Variants in CHD6 observed in about 807,000 individuals in gnomAD.
The protein encoded by CHD6 is ATP-dependent chromatin remodeler CHD6.
Under a neutral mutation model 276.9 loss-of-function variants are expected in CHD6, and 50 were observed. The ratio of observed to expected loss-of-function variants is 0.18; its 90% CI spans 0.14 to 0.23. CHD6 has a LOEUF of 0.23. Among genes scored for constraint, CHD6 ranks in the 10% least tolerant of loss-of-function variants. CHD6 has a pLI of 1.00. For synonymous variants in CHD6, 1,173 were observed against 1,229.3 expected, an observed-to-expected ratio of 0.95 and a Z score of 0.96; for missense variants, 2,564 against 3,365.8, an observed-to-expected ratio of 0.76 and a Z score of 5.89.
Position 41,533,460 on chromosome 20 carries a change from A to C in CHD6, c.144T>G (p.Ile48Met), listed in dbSNP as rs1399445190. Residue 48 changes from isoleucine to methionine, a missense_variant, in exon 3 of 37, where the codon ATT (isoleucine) becomes ATG (methionine). Coordinates refer to ENST00000373233, the MANE Select transcript of CHD6 (RefSeq NM_032221.5). ...GCAGACAGTGACTAGCAACATCTTC[A>C]ATTTTCTCTTCTTGATCAGTGCTGC... ...FDCSTDQEEKIEDVASHCLPQ... is the reference protein window; with the variant it reads ...FDCSTDQEEKMEDVASHCLPQ... 6.2e-7 allele frequency: 1 copy of C among 1,614,124 alleles called. No homozygotes were observed. The highest frequency in any genetic ancestry group is 2.2e-5 in the East Asian group (1 of 44,884).
chr20:41,484,950 C>T (rs904325764), intron 14 of CHD6, among the ~76,000 whole-genome samples: 6 of 151,908 alleles, frequency 3.9e-5, no homozygotes, highest in African/African-American at 1.5e-4. Context: ...ACAGTAATTA[C>T]CTGAAGAGTA....
At chr20:41,567,632 T>C (rs1197437695) in intron 1 of CHD6, among the ~76,000 whole-genome samples, 1 of 151,928 alleles carries the variant, frequency 6.6e-6, no homozygotes, top group Non-Finnish European at 1.5e-5. Flanking sequence ...GGTGAGCATT[T>C]GGTACCAGGC....
At chr20:41,592,031 A>T (rs2045667391) in intron 1 of CHD6, among the ~76,000 whole-genome samples, 1 of 151,794 alleles carries the variant, frequency 6.6e-6, no homozygotes, top group Non-Finnish European at 1.5e-5. Context: ...CCCAGGAGGC[A>T]GAGCTTGTAG....
At chr20:41,493,460 C>A in intron 10 of CHD6, 78 bp downstream of exon 10, 1 of 1,411,242 alleles carries the variant, frequency 7.1e-7, no homozygotes, top group Non-Finnish European at 9.8e-7. Context: ...AGGAACAAGC[C>A]AGGTGGACTT....
At chr20:41,432,117 G>T (rs1390069600) in intron 27 of CHD6, among the ~76,000 whole-genome samples, 2 of 139,436 alleles carry the variant, frequency 1.4e-5, no homozygotes, top group East Asian at 4.6e-4. Flanking sequence ...CCAAGATCAT[G>T]CCATTGCACT....
chr20:41,587,619 G>GT (rs1305614201), intron 1 of CHD6, among the ~76,000 whole-genome samples: 2 of 152,190 alleles, frequency 1.3e-5, no homozygotes, highest in African/African-American at 4.8e-5. Flanking sequence ...GTTCTCTCTG[G>GT]TAAGTGGGGA....
At chr20:41,562,494 A>ATTT (rs371771565) in intron 1 of CHD6, among the ~76,000 whole-genome samples, 2,760 of 148,366 alleles carry the variant, frequency 0.019, 38 homozygotes, top group African/African-American at 0.04. Flanking sequence ...TGAGGGTTTG[A>ATTT]TTTTTTTTTT....
At chr20:41,447,830 G>T in intron 24 of CHD6, 52 bp downstream of exon 24, 2 of 1,329,440 alleles carry the variant, frequency 1.5e-6, no homozygotes, top group Non-Finnish European at 2.1e-6. Context: ...CCATGAATAG[G>T]CATTTTATGT....
chr20:41,495,572 A>G (rs1261093087), intron 8 of CHD6, among the ~76,000 whole-genome samples: 2 of 152,104 alleles, frequency 1.3e-5, no homozygotes, highest in Non-Finnish European at 2.9e-5. Flanking sequence ...ACTGTATTAT[A>G]TATTTGAAAT....
intron 16 of CHD6, among the ~76,000 whole-genome samples, chr20:41,476,011 A>G (rs889368792): frequency 6.6e-6 from 1 of 152,178 alleles, no homozygotes; most frequent in Non-Finnish European, 1.5e-5. Context: ...CTTAAAAAAA[A>G]ATTGAATTAT....
At chr20:41,565,537 G>C (rs922790792) in intron 1 of CHD6, among the ~76,000 whole-genome samples, 1 of 152,204 alleles carries the variant, frequency 6.6e-6, no homozygotes, top group Non-Finnish European at 1.5e-5. Flanking sequence ...TGAAGACTGA[G>C]TCACAGTGAG....
intron 17 of CHD6, among the ~76,000 whole-genome samples, chr20:41,458,720 T>C (rs2048453523): frequency 6.6e-6 from 1 of 152,182 alleles, no homozygotes; most frequent in African/African-American, 2.4e-5. Context: ...CTCTTGTACA[T>C]TTCCTGTCCA....
At chr20:41,583,347 A>G (rs2045560434) in intron 1 of CHD6, among the ~76,000 whole-genome samples, 1 of 152,124 alleles carries the variant, frequency 6.6e-6, no homozygotes, top group African/African-American at 2.4e-5. Context: ...ACTACTCATC[A>G]GATTTTTTGC....
intron 5 of CHD6, among the ~76,000 whole-genome samples, chr20:41,508,256 TAGAG>T (rs1407689346): frequency 1.3e-5 from 2 of 152,094 alleles, no homozygotes; most frequent in Non-Finnish European, 2.9e-5. Flanking sequence ...CCTGCCTTAT[TAGAG>T]AGAAAGCATT....
At chr20:41,419,591 A>G (rs968593246) in intron 31 of CHD6, among the ~76,000 whole-genome samples, 1 of 138,956 alleles carries the variant, frequency 7.2e-6, no homozygotes, top group African/African-American at 2.7e-5. Context: ...AAAAAAAAAA[A>G]GGCTAGATAA....
rs62208542 is a variant in CHD6, at chr20:41,603,770, G to C, written c.-24+14570C>G. Among the ~76,000 whole-genome samples, 189 of 152,270 alleles carry C rather than the reference G, an allele frequency of 1.2e-3. 1 individual carries two copies. Among genetic ancestry groups the C allele is most frequent in the Middle Eastern group, 3.4e-3 (1 of 294 alleles). ...TAATCCCAGCTACTTGAGAGGCTGA[G>C]GCAGGAGAATCACTTGAACCCAGGG... is the stretch of plus-strand genomic sequence containing the variant. On this transcript the variant is annotated intron_variant, in intron 1 of 36. Coordinates refer to ENST00000373233, the MANE Select transcript of CHD6 (RefSeq NM_032221.5).
At chr20:41,614,919 G>A (rs1213506794) in intron 1 of CHD6, 1 of 152,178 alleles carries the variant, frequency 6.6e-6, no homozygotes, top group Non-Finnish European at 1.5e-5. Context: ...TGGGGAAAAG[G>A]GTGTCCTCAC....
intron 26 of CHD6, among the ~76,000 whole-genome samples, chr20:41,439,657 C>T (rs2047837327): frequency 6.6e-6 from 1 of 152,122 alleles, no homozygotes; most frequent in African/African-American, 2.4e-5. Context: ...AGCTATTCTG[C>T]CAGGCATGGG....
intron 2 of CHD6, among the ~76,000 whole-genome samples, chr20:41,543,017 T>C (rs6102455): frequency 0.37 from 56,048 of 151,130 alleles, 13,085 homozygotes; most frequent in African/African-American, 0.64. Context: ...GGCAGGAGAA[T>C]TGCTTGATTC....
Sources: gnomAD v4.1 joint callset for allele counts (sites outside exome capture counted in the v4.1 genomes callset) on GRCh38, gnomAD v4.1.1 for gene constraint, MANE v1.5 for transcripts, NCBI Gene and HGNC (gene_info 2026-07-23, HGNC 2026-07-21) for gene names.